The following FYTTD1 variants were observed in gnomAD, a reference collection of about 807,000 sequenced individuals.
FYTTD1 encodes UAP56-interacting factor.
Under a neutral mutation model 40.9 loss-of-function variants are expected in FYTTD1, and 22 were observed. That is an observed-to-expected ratio of 0.54 (90% CI 0.38 to 0.77). The LOEUF (loss-of-function observed/expected upper bound fraction) is 0.77. Ranked by LOEUF, FYTTD1 falls within the 30% of genes least tolerant of loss-of-function variation. The pLI is 0.00. For missense variants in FYTTD1, 351 were observed against 392.2 expected, an observed-to-expected ratio of 0.90 and a Z score of 0.89; for synonymous variants, 140 against 137.9, an observed-to-expected ratio of 1.01 and a Z score of -0.10.
At chr3:197,759,243 C>T (rs1369874749) in intron 2 of FYTTD1, among the ~76,000 whole-genome samples, 1 of 149,638 alleles carries the variant, frequency 6.7e-6, no homozygotes, top group Non-Finnish European at 1.5e-5. Flanking sequence ...AATTGTTCTT[C>T]AGTGGTAGAA....
intron 2 of FYTTD1, among the ~76,000 whole-genome samples, chr3:197,765,041 C>T (rs370615952): frequency 4.0e-5 from 6 of 151,860 alleles, no homozygotes; most frequent in East Asian, 3.9e-4. Context: ...TTAGTAGAGA[C>T]GAGGTTTCAC....
chr3:197,768,430 C>G lies in FYTTD1; in HGVS notation c.236-9C>G. The G allele has an allele frequency of 6.3e-7, 1 of 1,578,512 alleles. No homozygotes were observed. On this transcript the variant is annotated splice_polypyrimidine_tract_variant and intron_variant, in intron 2 of 8. Coordinates refer to ENST00000241502, the MANE Select transcript of FYTTD1 (RefSeq NM_032288.7). Reference sequence around the variant, plus strand: ...ATTGACATTTTCTTCTGTTTTTGCCCTCCTATAGGTTTTGGTAAGACTAGT... The same window carrying G: ...ATTGACATTTTCTTCTGTTTTTGCCGTCCTATAGGTTTTGGTAAGACTAGT...
chr3:197,755,694 G>T, intron 1 of FYTTD1: 2 of 596,070 alleles, frequency 3.4e-6, no homozygotes, highest in South Asian at 6.1e-5. Flanking sequence ...CACCATGTTG[G>T]TCAGGCCAGT....
At chr3:197,779,928 C>T (rs34839235) in intron 8 of FYTTD1, among the ~76,000 whole-genome samples, 69,208 of 94,294 alleles carry the variant, frequency 0.73, 25,620 homozygotes, top group East Asian at 0.93. Flanking sequence ...GGGATGCAGG[C>T]ACACACACCA....
chr3:197,761,580 G>A (rs892127106), intron 2 of FYTTD1, among the ~76,000 whole-genome samples: 2 of 152,176 alleles, frequency 1.3e-5, no homozygotes, highest in Admixed American at 6.5e-5. Context: ...GTGGTAGAAT[G>A]TATAGAATTG....
intron 4 of FYTTD1, among the ~76,000 whole-genome samples, chr3:197,772,726 A>G (rs1005317455): frequency 2.0e-5 from 3 of 152,184 alleles, no homozygotes; most frequent in African/African-American, 7.2e-5. Context: ...CTCATGCTTC[A>G]GCCTCCTGAG....
At chr3:197,759,421 G>A (rs1320323248) in intron 2 of FYTTD1, among the ~76,000 whole-genome samples, 1 of 152,016 alleles carries the variant, frequency 6.6e-6, no homozygotes, top group African/African-American at 2.4e-5. Context: ...GTGGTAGAAT[G>A]TATGGAGTTG....
At chr3:197,762,848 A>G (rs1387468630) in intron 2 of FYTTD1, among the ~76,000 whole-genome samples, 1 of 151,944 alleles carries the variant, frequency 6.6e-6, no homozygotes, top group East Asian at 1.9e-4. Flanking sequence ...CGGCCACTGC[A>G]CTCCAGCCTG....
At chr3:197,776,763 G>A (rs920307144) in intron 6 of FYTTD1, among the ~76,000 whole-genome samples, 164 bp from the exon 7 acceptor site, 1 of 151,842 alleles carries the variant, frequency 6.6e-6, no homozygotes, top group African/African-American at 2.4e-5. Flanking sequence ...GCCCAGTTCC[G>A]CACCCAAGAT....
At chr3:197,777,152 G>T (rs1002852847) in intron 7 of FYTTD1, 151 bp downstream of exon 7, 1 of 567,078 alleles carries the variant, frequency 1.8e-6, no homozygotes, top group Non-Finnish European at 3.1e-6. Context: ...AACAGTATAT[G>T]GTGTAAAGTA....
chr3:197,762,301 A>G (rs766727650), intron 2 of FYTTD1, among the ~76,000 whole-genome samples: 1 of 145,370 alleles, frequency 6.9e-6, no homozygotes, highest in Non-Finnish European at 1.5e-5. Flanking sequence ...TGGAAAATAA[A>G]AATAATGAGG....
intron 2 of FYTTD1, among the ~76,000 whole-genome samples, chr3:197,766,798 C>G: frequency 6.6e-6 from 1 of 151,816 alleles, no homozygotes; most frequent in Non-Finnish European, 1.5e-5. Flanking sequence ...GTGTAGTTGC[C>G]GAAAGATTGA....
At chr3:197,761,906 A>G (rs1053785739) in intron 2 of FYTTD1, among the ~76,000 whole-genome samples, 1 of 152,240 alleles carries the variant, frequency 6.6e-6, no homozygotes, top group African/African-American at 2.4e-5. Flanking sequence ...TTTATTTTGC[A>G]CAGTTTTGGA....
At chr3:197,763,414 CAAAAA>C in intron 2 of FYTTD1, 27 of 237,758 alleles carry the variant, frequency 1.1e-4, no homozygotes, top group South Asian at 1.8e-4. Flanking sequence ...ACTCTTGTCT[CAAAAA>C]AAAAAAAAAA....
chr3:197,751,857 A>C (rs1729067463), intron 1 of FYTTD1, among the ~76,000 whole-genome samples: 1 of 152,040 alleles, frequency 6.6e-6, no homozygotes, highest in Non-Finnish European at 1.5e-5. Flanking sequence ...TGGACTAAGC[A>C]TTAAATTAAA....
chr3:197,774,439 C>A (rs933029017), intron 6 of FYTTD1, among the ~76,000 whole-genome samples: 12 of 152,326 alleles, frequency 7.9e-5, no homozygotes, highest in African/African-American at 2.6e-4. Context: ...GCCATAATGT[C>A]ACCTGTGTAT....
intron 4 of FYTTD1, among the ~76,000 whole-genome samples, chr3:197,770,576 C>T (rs1272713230): frequency 1.3e-5 from 2 of 152,320 alleles, no homozygotes; most frequent in Non-Finnish European, 1.5e-5. Context: ...CAGGGCTTCT[C>T]GATCTGTTGC....
intron 4 of FYTTD1, among the ~76,000 whole-genome samples, chr3:197,772,273 CT>C (rs1729743116): frequency 6.6e-6 from 1 of 152,150 alleles, no homozygotes; most frequent in African/African-American, 2.4e-5. Context: ...ACTTGAATCT[CT>C]GAAAGATTGG....
intron 4 of FYTTD1, among the ~76,000 whole-genome samples, chr3:197,771,734 G>A (rs112711820): frequency 1.6e-5 from 2 of 126,234 alleles, no homozygotes; most frequent in African/African-American, 3.0e-5. Context: ...CCGAGATCCC[G>A]CCACTGCACT....
Sources: allele counts gnomAD v4.1 joint callset (sites outside exome capture counted in the v4.1 genomes callset), GRCh38; gene constraint gnomAD v4.1.1; transcripts MANE v1.5; gene names NCBI Gene and HGNC (gene_info 2026-07-23, HGNC 2026-07-21).